Variants in DPY19L1 observed in about 807,000 individuals in gnomAD.
The protein encoded by DPY19L1 is protein C-mannosyl-transferase DPY19L1.
In DPY19L1, 35 loss-of-function variants were observed where a neutral mutation model predicts 96.9. That is an observed-to-expected ratio of 0.36 (90% CI 0.28 to 0.48). The LOEUF (loss-of-function observed/expected upper bound fraction) is 0.48, where lower values mean the gene tolerates loss of function less well. DPY19L1 is among the 20% of genes least tolerant of loss of function. The pLI, the probability that DPY19L1 is intolerant of heterozygous loss-of-function variation, is 0.99. For missense variants in DPY19L1, 521 were observed against 777.9 expected (o/e 0.67, Z 3.93); for synonymous variants, 205 against 252.6 (o/e 0.81, Z 1.79).
intron 3 of DPY19L1, among the ~76,000 whole-genome samples, chr7:35,014,538 G>A (rs1229442814): frequency 6.6e-6 from 1 of 152,196 alleles, no homozygotes; most frequent in Non-Finnish European, 1.5e-5. Context: ...GCCAGTACCA[G>A]TAGCTGCCAA....
intron 1 of DPY19L1, among the ~76,000 whole-genome samples, chr7:35,019,788 T>A (rs1584259691): frequency 6.6e-6 from 1 of 152,256 alleles, no homozygotes; most frequent in South Asian, 2.1e-4. Flanking sequence ...TGACTTTTTT[T>A]AATAAGATAT....
rs1783732324 is a variant in DPY19L1 at position 34,930,593 on chromosome 7, C to T, written c.*980G>A. ...ATCTTAATAGTAAAAGAAAAATTAC[C>T]ATGTACTACAGTCTACTGTTCCACT... is the stretch of plus-strand genomic sequence containing the variant. On this transcript the variant is annotated 3_prime_UTR_variant, in exon 22 of 22. Coordinates refer to ENST00000638088, the MANE Select transcript of DPY19L1 (RefSeq NM_001366673.1). 1 of 151,996 alleles carries T rather than the reference C, an allele frequency of 6.6e-6. No homozygotes were observed. Among genetic ancestry groups the T allele is most frequent in the Non-Finnish European group, 1.5e-5 (1 of 67,994 alleles). The allele number at this position is 151,996 out of a possible 1,614,324, so 9.4% of individuals were successfully genotyped here.
Position 34,931,076 on chromosome 7 carries a change from C to T in DPY19L1, c.*497G>A, listed in dbSNP as rs1369416408. 6.6e-6 allele frequency: 1 copy of T among 152,346 alleles called. No homozygotes were observed. The highest frequency in any genetic ancestry group is 1.5e-5 in the Non-Finnish European group (1 of 68,156). 9.4% of individuals were successfully genotyped at this position (152,346 alleles called of 1,614,324 possible). ...AGATAGTTCTATATAGCAAACACTC[C>T]ATGTCTGCCCCATCTACTGTAACTC... is the stretch of plus-strand genomic sequence containing the variant. On this transcript the variant is annotated 3_prime_UTR_variant, in exon 22 of 22. Coordinates refer to ENST00000638088, the MANE Select transcript of DPY19L1 (RefSeq NM_001366673.1).
chr7:34,935,704 G>A lies in DPY19L1; in HGVS notation c.2090+2290C>T, dbSNP rs1460931107. On this transcript the variant is annotated intron_variant, in intron 21 of 21. Coordinates refer to ENST00000638088, the MANE Select transcript of DPY19L1 (RefSeq NM_001366673.1). ...TCCCAGCAATCTACAGGGGTTTCAG[G>A]CTGATCATAACTGAAATGGAGAGTG... Among the ~76,000 whole-genome samples the A allele has an allele frequency of 5.9e-5, 9 of 152,288 alleles. No individual in the cohort carries two copies. The Middle Eastern group carries it at 0.01, about 173-fold the overall frequency.
At chr7:35,031,583 G>A (rs1024602197) in intron 1 of DPY19L1, among the ~76,000 whole-genome samples, 2 of 152,182 alleles carry the variant, frequency 1.3e-5, no homozygotes, top group South Asian at 4.1e-4. Flanking sequence ...TAACAGCCAC[G>A]GTTCAAATAT....
upstream of DPY19L1, chr7:35,037,883 G>A: frequency 8.1e-7 from 1 of 1,238,550 alleles, no homozygotes; most frequent in Non-Finnish European, 1.0e-6. Flanking sequence ...TTCCGGAGGC[G>A]GCCGCCCTTC....
At chr7:34,964,403 CTATTT>C (rs1009416219) in intron 10 of DPY19L1, among the ~76,000 whole-genome samples, 2 of 152,030 alleles carry the variant, frequency 1.3e-5, no homozygotes, top group African/African-American at 4.8e-5. Context: ...AAATAAAAAA[CTATTT>C]TAAATAGTTT....
At chr7:34,955,680 T>C (rs1254729774) in intron 11 of DPY19L1, among the ~76,000 whole-genome samples, 1 of 152,188 alleles carries the variant, frequency 6.6e-6, no homozygotes, top group Admixed American at 6.5e-5. Context: ...TTTCAGAATT[T>C]TGGACAGTAG....
At chr7:35,012,396 T>C (rs537749272) in intron 4 of DPY19L1, among the ~76,000 whole-genome samples, 37 of 152,226 alleles carry the variant, frequency 2.4e-4, no homozygotes, top group Admixed American at 2.4e-3. Context: ...CAAATCTCCA[T>C]CTCAAAGTCC....
intron 6 of DPY19L1, among the ~76,000 whole-genome samples, chr7:35,002,675 A>G (rs1785456707): frequency 6.6e-6 from 1 of 152,214 alleles, no homozygotes; most frequent in Non-Finnish European, 1.5e-5. Flanking sequence ...AATCTTCCAG[A>G]GAGAGGAAGG....
At chr7:34,961,270 G>C (rs1784496055) in intron 10 of DPY19L1, among the ~76,000 whole-genome samples, 2 of 152,134 alleles carry the variant, frequency 1.3e-5, no homozygotes, top group African/African-American at 4.8e-5. Context: ...CTGTAATCAA[G>C]ACAGTGTGAT....
At chr7:35,022,885 G>A (rs1786027726) in intron 1 of DPY19L1, among the ~76,000 whole-genome samples, 1 of 152,152 alleles carries the variant, frequency 6.6e-6, no homozygotes, top group Non-Finnish European at 1.5e-5. Context: ...TCGCAGTGGG[G>A]CACGGGTCCC....
At chr7:34,995,186 C>T (rs752272221) in intron 6 of DPY19L1, among the ~76,000 whole-genome samples, 22 of 152,136 alleles carry the variant, frequency 1.4e-4, no homozygotes, top group South Asian at 1.0e-3. Flanking sequence ...TCCACCCTCT[C>T]GCCCCAATCC....
At chr7:35,021,080 T>A (rs1227966171) in intron 1 of DPY19L1, among the ~76,000 whole-genome samples, 1 of 152,212 alleles carries the variant, frequency 6.6e-6, no homozygotes, top group African/African-American at 2.4e-5. Flanking sequence ...TTACTATTAG[T>A]TTCTTATTCC....
intron 6 of DPY19L1, among the ~76,000 whole-genome samples, chr7:35,001,952 CCT>C (rs1785435831): frequency 6.6e-6 from 1 of 151,674 alleles, no homozygotes; most frequent in Non-Finnish European, 1.5e-5. Context: ...GGTAAAAACC[CCT>C]CTCAACTAAA....
At position 35,011,356 on chromosome 7, in the gene DPY19L1, C is replaced by A. The variant is rs751255047; in HGVS notation, c.644G>T (p.Gly215Val). The change falls in exon 5 of 22, where the codon GGA becomes GTA. Residue 215 changes from glycine to valine, a missense_variant. Transcript: ENST00000638088. ...KICWTVTRGE[G>V]LSPIESCEGL... ...TTCACAGCTTTCAATAGGACTGAGT[C>A]CTTCTCCTCTGGTAACCGTCCAACA... The A allele has an allele frequency of 2.5e-6, 4 of 1,613,200 alleles. No individual in the cohort carries two copies. The African/African-American group carries it at 5.3e-5, about 22-fold the overall frequency.
intron 7 of DPY19L1, among the ~76,000 whole-genome samples, chr7:34,983,560 G>GAGGA (rs1784984933): frequency 6.9e-6 from 1 of 144,020 alleles, no homozygotes; most frequent in Admixed American, 7.1e-5. Context: ...GAGAGGGAGG[G>GAGGA]AGGGAGGGAT....
chr7:34,940,008 T>C, intron 19 of DPY19L1, 145 bp downstream of exon 19: 2 of 650,220 alleles, frequency 3.1e-6, no homozygotes, highest in Non-Finnish European at 4.6e-6. Context: ...ATATCTCCTT[T>C]GTTTTAGATA....
At chr7:34,999,582 C>T (rs913362769) in intron 6 of DPY19L1, among the ~76,000 whole-genome samples, 2 of 152,118 alleles carry the variant, frequency 1.3e-5, no homozygotes, top group African/African-American at 2.4e-5. Context: ...CCAAGGGAAT[C>T]GCTAAACGGA....
Sources: allele counts gnomAD v4.1 joint callset (sites outside exome capture counted in the v4.1 genomes callset), GRCh38; gene constraint gnomAD v4.1.1; transcripts MANE v1.5; gene names NCBI Gene and HGNC (gene_info 2026-07-23, HGNC 2026-07-21).